SASH1: variants seen among roughly 807,000 people sequenced by gnomAD.
SASH1 encodes SAM and SH3 domain containing 1, also known as SAM and SH3 domain-containing protein 1.
A neutral mutation model predicts 125.2 loss-of-function variants in SASH1; 44 were observed. The ratio of observed to expected loss-of-function variants is 0.35; its 90% CI spans 0.28 to 0.45. The LOEUF is 0.45. Ranked by LOEUF, SASH1 falls within the 20% of genes least tolerant of loss-of-function variation. The pLI is 1.00. For missense variants in SASH1, 1,426 were observed against 1,614.5 expected (o/e 0.88, Z 2.00); for synonymous variants, 639 against 649.1 (o/e 0.98, Z 0.24).
chr6:148,303,064 T>A (rs2128514566), intron 1 of SASH1, among the ~76,000 whole-genome samples: 1 of 152,210 alleles, frequency 6.6e-6, no homozygotes, highest in South Asian at 2.1e-4. Flanking sequence ...CACTGCAAAC[T>A]CTGCCTCCCA....
chr6:148,362,206 C>CGT (rs1248235749), intron 1 of SASH1, among the ~76,000 whole-genome samples: 2 of 149,532 alleles, frequency 1.3e-5, no homozygotes, highest in Non-Finnish European at 3.0e-5. Flanking sequence ...GGATTACAGG[C>CGT]GTGAGCCACC....
chr6:148,458,421 G>A (rs1192516844), intron 4 of SASH1, among the ~76,000 whole-genome samples: 1 of 152,086 alleles, frequency 6.6e-6, no homozygotes, highest in Admixed American at 6.5e-5. Flanking sequence ...AAACAAACTC[G>A]GGACTCTGTA....
chr6:148,281,842 G>A (rs1015639810), intron 1 of SASH1, among the ~76,000 whole-genome samples: 7 of 151,736 alleles, frequency 4.6e-5, no homozygotes, highest in Non-Finnish European at 1.0e-4. Context: ...AGAATTGCTT[G>A]AACCGGGAGG....
upstream of SASH1, among the ~76,000 whole-genome samples, chr6:148,341,088 T>C (rs916986514): frequency 6.6e-6 from 1 of 152,128 alleles, no homozygotes; most frequent in South Asian, 2.1e-4. Context: ...TGAGCTACGA[T>C]TGCAGCACTG....
At chr6:148,388,692 C>T (rs1188027983) in intron 1 of SASH1, among the ~76,000 whole-genome samples, 1 of 152,228 alleles carries the variant, frequency 6.6e-6, no homozygotes, top group African/African-American at 2.4e-5. Context: ...CTGCCCCAGG[C>T]CTGCTGACCA....
intron 1 of SASH1, among the ~76,000 whole-genome samples, chr6:148,324,869 G>C (rs1465106679): frequency 6.6e-6 from 1 of 152,136 alleles, no homozygotes. Flanking sequence ...AACTCACCCG[G>C]AACTGGGCCA....
At chr6:148,262,889 A>G in the SASH1 span, among the ~76,000 whole-genome samples, 1 of 152,186 alleles carries the variant, frequency 6.6e-6, no homozygotes, top group Non-Finnish European at 1.5e-5. Context: ...AAAAGAAAGA[A>G]AGAAAGTAAA....
At chr6:148,344,915 C>T (rs578155847) in intron 1 of SASH1, among the ~76,000 whole-genome samples, 40 of 152,190 alleles carry the variant, frequency 2.6e-4, no homozygotes, top group Non-Finnish European at 4.4e-4. Flanking sequence ...AACACCACAC[C>T]CGGCTGATTT....
intron 1 of SASH1, among the ~76,000 whole-genome samples, chr6:148,274,163 C>T (rs1405853078): frequency 6.6e-6 from 1 of 152,026 alleles, no homozygotes; most frequent in African/African-American, 2.4e-5. Context: ...ACAGTCATGC[C>T]CTAGAGGGTG....
chr6:148,464,873 A>G (rs1365545249), intron 4 of SASH1, among the ~76,000 whole-genome samples: 1 of 152,180 alleles, frequency 6.6e-6, no homozygotes, highest in Non-Finnish European at 1.5e-5. Flanking sequence ...TGAACTTGTG[A>G]AATTTTAAAA....
At chr6:148,282,725 T>A (rs1453457839) in intron 1 of SASH1, among the ~76,000 whole-genome samples, 2 of 149,370 alleles carry the variant, frequency 1.3e-5, no homozygotes, top group Admixed American at 1.4e-4. Context: ...GGAATCAAAC[T>A]GTCAGAGGAA....
chr6:148,538,721 ATTT>A (rs998071618), intron 16 of SASH1, among the ~76,000 whole-genome samples: 1 of 152,078 alleles, frequency 6.6e-6, no homozygotes. Flanking sequence ...GCCTCCCCGC[ATTT>A]TTATTTTGAT....
At chr6:148,511,645 C>T (rs954949195) in intron 8 of SASH1, among the ~76,000 whole-genome samples, 1 of 152,040 alleles carries the variant, frequency 6.6e-6, no homozygotes, top group African/African-American at 2.4e-5. Context: ...TAAATAAGTA[C>T]CTGGAATATG....
At chr6:148,539,962 T>C (rs1419958911) in intron 16 of SASH1, among the ~76,000 whole-genome samples, 1 of 152,130 alleles carries the variant, frequency 6.6e-6, no homozygotes, top group Non-Finnish European at 1.5e-5. Context: ...CACTTTAATA[T>C]TAGCTCCCAA....
chr6:148,238,278 C>T, the SASH1 span, among the ~76,000 whole-genome samples: 2 of 152,014 alleles, frequency 1.3e-5, no homozygotes, highest in African/African-American at 4.8e-5. Flanking sequence ...GGCTGGAGTG[C>T]AGTGGCGCAA....
chr6:148,289,160 C>G (rs1488346386), intron 1 of SASH1, among the ~76,000 whole-genome samples: 1 of 152,140 alleles, frequency 6.6e-6, no homozygotes, highest in Non-Finnish European at 1.5e-5. Context: ...CAAAACAAAG[C>G]ACTAAAACAC....
At chr6:148,393,243 A>G (rs1236179531) in intron 2 of SASH1, among the ~76,000 whole-genome samples, 1 of 144,428 alleles carries the variant, frequency 6.9e-6, no homozygotes, top group Non-Finnish European at 1.5e-5. Flanking sequence ...TTTTTTTAGC[A>G]GAGACAGGGT....
At chr6:148,330,670 C>T (rs1780967554) in intron 1 of SASH1, among the ~76,000 whole-genome samples, 1 of 152,154 alleles carries the variant, frequency 6.6e-6, no homozygotes, top group Non-Finnish European at 1.5e-5. Flanking sequence ...ACTGCAACCT[C>T]CACTTCCCCA....
At chr6:148,399,799 T>G (rs1784104410) in intron 2 of SASH1, among the ~76,000 whole-genome samples, 1 of 152,134 alleles carries the variant, frequency 6.6e-6, no homozygotes, top group Non-Finnish European at 1.5e-5. Flanking sequence ...GGCCAGGGCT[T>G]GGCCAGGGCT....
Sources: allele counts gnomAD v4.1 joint callset (sites outside exome capture counted in the v4.1 genomes callset), GRCh38; gene constraint gnomAD v4.1.1; transcripts MANE v1.5; gene names NCBI Gene and HGNC (gene_info 2026-07-23, HGNC 2026-07-21).